SEC23A: variants seen among roughly 807,000 people sequenced by gnomAD.
SEC23A encodes the protein SEC23 homolog A, COPII component, also known as protein transport protein Sec23A.
Under a neutral mutation model 103.7 loss-of-function variants are expected in SEC23A, and 56 were observed. That is an observed-to-expected ratio of 0.54 (90% CI 0.44 to 0.67). The LOEUF (loss-of-function observed/expected upper bound fraction) is 0.67, where lower values mean the gene tolerates loss of function less well. Ranked by LOEUF, SEC23A falls within the 30% of genes least tolerant of loss-of-function variation. SEC23A has a pLI of 0.00. For missense variants in SEC23A, 784 were observed against 936.4 expected, an observed-to-expected ratio of 0.84 and a Z score of 2.12; for synonymous variants, 281 against 293.0, an observed-to-expected ratio of 0.96 and a Z score of 0.42.
Position 39,081,458 on chromosome 14 carries a change from G to A in SEC23A, c.828+4304C>T, listed in dbSNP as rs1457063124. 1.3e-5 allele frequency among the ~76,000 whole-genome samples: 2 copies of A among 152,216 alleles called. 1 individual carries two copies. The highest frequency in any genetic ancestry group is 4.1e-4 in the South Asian group (2 of 4,824). ...GCAAAGAATAACATAATCACACTAA[G>A]GGCAGTGGAGGGGAATAACCCACTT... On this transcript the variant is annotated intron_variant, in intron 7 of 19. Coordinates refer to ENST00000307712, the MANE Select transcript of SEC23A (RefSeq NM_006364.4).
intron 13 of SEC23A, 102 bp from the exon 14 acceptor site, chr14:39,055,398 G>A: frequency 2.6e-6 from 3 of 1,142,806 alleles, no homozygotes; most frequent in Non-Finnish European, 3.7e-6. Flanking sequence ...AAAAGATACA[G>A]AAACTACTAG....
At chr14:39,073,603 CTTT>C (rs905464578) in intron 9 of SEC23A, among the ~76,000 whole-genome samples, 1 of 83,890 alleles carries the variant, frequency 1.2e-5, no homozygotes, top group Non-Finnish European at 2.3e-5. Flanking sequence ...TCTGATTCCT[CTTT>C]TTTTTTTTTT....
intron 5 of SEC23A, chr14:39,088,534 C>T (rs1174536912): frequency 6.6e-6 from 1 of 151,222 alleles, no homozygotes; most frequent in Non-Finnish European, 1.5e-5. Context: ...AAGTTCAAGA[C>T]CAACCTTGGC....
intron 9 of SEC23A, among the ~76,000 whole-genome samples, chr14:39,068,030 A>G (rs989894912): frequency 2.0e-5 from 3 of 152,120 alleles, no homozygotes; most frequent in Non-Finnish European, 4.4e-5. Context: ...TCTGTGTCAC[A>G]TGAAATATAC....
At chr14:39,068,685 T>A (rs1886751996) in intron 9 of SEC23A, among the ~76,000 whole-genome samples, 1 of 152,178 alleles carries the variant, frequency 6.6e-6, no homozygotes, top group African/African-American at 2.4e-5. Flanking sequence ...TATAAAATAT[T>A]GTTTATATGA....
intron 15 of SEC23A, 41 bp from the exon 16 acceptor site, chr14:39,045,365 T>C: frequency 6.7e-7 from 1 of 1,502,962 alleles, no homozygotes; most frequent in Non-Finnish European, 9.2e-7. Context: ...CTGATTTTAA[T>C]ATTAAAACAG....
At chr14:39,102,093 A>G (rs1384613526) in intron 1 of SEC23A, among the ~76,000 whole-genome samples, 1 of 152,106 alleles carries the variant, frequency 6.6e-6, no homozygotes, top group Non-Finnish European at 1.5e-5. Flanking sequence ...TTAGCCGGGC[A>G]TAGTAGCTCG....
intron 7 of SEC23A, among the ~76,000 whole-genome samples, chr14:39,079,001 TC>T (rs1260171548): frequency 6.6e-6 from 1 of 151,834 alleles, no homozygotes; most frequent in Non-Finnish European, 1.5e-5. Flanking sequence ...ATTTCAGAAC[TC>T]CAAAATTAAA....
At chr14:39,051,215 C>A (rs1489818622) in intron 14 of SEC23A, among the ~76,000 whole-genome samples, 1 of 152,144 alleles carries the variant, frequency 6.6e-6, no homozygotes, top group Non-Finnish European at 1.5e-5. Flanking sequence ...AAAGAAACAT[C>A]ATTTTTTGTG....
At chr14:39,080,043 T>G (rs190521676) in intron 7 of SEC23A, among the ~76,000 whole-genome samples, 183 of 151,770 alleles carry the variant, frequency 1.2e-3, no homozygotes, top group Non-Finnish European at 2.0e-3. Flanking sequence ...GCTGAAAAAA[T>G]GAAGAAAAGA....
intron 7 of SEC23A, among the ~76,000 whole-genome samples, chr14:39,076,535 T>A (rs555589228): frequency 6.6e-6 from 1 of 151,522 alleles, no homozygotes; most frequent in Non-Finnish European, 1.5e-5. Context: ...TCCAAGTAGC[T>A]GGAATGAGAA....
chr14:39,042,681 A>G, intron 17 of SEC23A, 105 bp downstream of exon 17: 2 of 744,700 alleles, frequency 2.7e-6, no homozygotes, highest in Middle Eastern at 3.6e-4. Context: ...AATGGAAATC[A>G]AAGTTTATCA....
intron 13 of SEC23A, among the ~76,000 whole-genome samples, chr14:39,060,903 T>C (rs1886451241): frequency 6.6e-6 from 1 of 152,148 alleles, no homozygotes; most frequent in African/African-American, 2.4e-5. Context: ...CATGACTATG[T>C]TACACAAAAT....
chr14:39,046,931 C>T (rs1885858501), intron 15 of SEC23A, among the ~76,000 whole-genome samples: 1 of 152,178 alleles, frequency 6.6e-6, no homozygotes, highest in Non-Finnish European at 1.5e-5. Flanking sequence ...ACAGCTTTCT[C>T]CCAACATGTC....
intron 2 of SEC23A, among the ~76,000 whole-genome samples, chr14:39,093,626 T>C (rs977691161): frequency 6.6e-6 from 1 of 152,128 alleles, no homozygotes; most frequent in African/African-American, 2.4e-5. Flanking sequence ...CCAGGCGTGG[T>C]GGCACATGCC....
Position 39,039,066 on chromosome 14 carries a change from A to C in SEC23A, c.2173T>G (p.Ser725Ala). The C allele has an allele frequency of 2.5e-6, 4 of 1,613,800 alleles. No individual in the cohort carries two copies. The highest frequency in any genetic ancestry group is 3.4e-6 in the Non-Finnish European group (4 of 1,179,750). Residue 725 changes from serine (S) to alanine (A), a missense_variant, in exon 19 of 20, where the codon TCA (serine) becomes GCA (alanine). Around this residue, in one of 2 missense-constraint regions of SEC23A, gnomAD observed 101 missense variants for 162.2 expected, o/e 0.62. Coordinates refer to ENST00000307712, the MANE Select transcript of SEC23A (RefSeq NM_006364.4). ...GCATACATATTATTATGAGTCTGTG[A>C]AGGGTTGACTTTTGAAAGGAGGAAA... is the stretch of plus-strand genomic sequence containing the variant. ...ARFLLSKVNP[S>A]QTHNNMYAWG...
At position 39,049,079 on chromosome 14, in the gene SEC23A, G is replaced by A. The variant is rs537466604; in HGVS notation, c.1660-350C>T. On this transcript the variant is annotated intron_variant, in intron 14 of 19. Coordinates refer to ENST00000307712, the MANE Select transcript of SEC23A (RefSeq NM_006364.4). The stretch of plus-strand genomic sequence containing the variant: ...CAAAAAGGCTGGCACAGTGACTGAC[G>A]CCTGTAATTCCAGCACTTTGGGAGG... Among the ~76,000 whole-genome samples the A allele has an allele frequency of 3.3e-5, 5 of 151,894 alleles. No individual in the cohort carries two copies. The East Asian group carries it at 5.8e-4, about 18-fold the overall frequency.
At chr14:39,049,264 T>G (rs1347685049) in intron 14 of SEC23A, among the ~76,000 whole-genome samples, 1 of 150,656 alleles carries the variant, frequency 6.6e-6, no homozygotes, top group African/African-American at 2.4e-5. Context: ...GATCACAAGG[T>G]CAGGAGTTCG....
chr14:39,046,344 G>A (rs1885839161), intron 15 of SEC23A, among the ~76,000 whole-genome samples: 1 of 152,100 alleles, frequency 6.6e-6, no homozygotes, highest in Non-Finnish European at 1.5e-5. Context: ...ATGGTCGCAT[G>A]TGTCTGTAAT....
Sources: allele counts gnomAD v4.1 joint callset (sites outside exome capture counted in the v4.1 genomes callset), GRCh38; gene constraint gnomAD v4.1.1; regional missense constraint gnomAD v4.1.1; transcripts MANE v1.5; gene names NCBI Gene and HGNC (gene_info 2026-07-23, HGNC 2026-07-21).